The following E2F5 variants were observed in gnomAD, a reference collection of about 807,000 sequenced individuals.
E2F5 encodes the protein transcription factor E2F5.
In E2F5, 23 loss-of-function variants were observed where a neutral mutation model predicts 39.1. The observed-to-expected ratio is 0.59, with a 90% CI of 0.42 to 0.83. E2F5 has a LOEUF of 0.83. E2F5 is among the 40% of genes least tolerant of loss of function. The pLI, the probability that E2F5 is intolerant of heterozygous loss-of-function variation, is 0.00. For missense variants in E2F5, 365 were observed against 406.7 expected, an observed-to-expected ratio of 0.90 and a Z score of 0.88; for synonymous variants, 145 against 157.8, an observed-to-expected ratio of 0.92 and a Z score of 0.61.
chr8:85,189,668 C>A (rs1250719067), intron 1 of E2F5, among the ~76,000 whole-genome samples: 1 of 152,186 alleles, frequency 6.6e-6, no homozygotes, highest in African/African-American at 2.4e-5. Flanking sequence ...TGCACCCAAC[C>A]TCTTTTTCCA....
At chr8:85,191,361 G>A (rs138076474) in intron 1 of E2F5, among the ~76,000 whole-genome samples, 129 of 152,228 alleles carry the variant, frequency 8.5e-4, no homozygotes, top group African/African-American at 3.1e-3. Context: ...AATGCACATC[G>A]TGGTGACTAT....
intron 1 of E2F5, among the ~76,000 whole-genome samples, chr8:85,188,658 G>A (rs1377874937): frequency 6.6e-6 from 1 of 152,170 alleles, no homozygotes. Context: ...CAGAGATTGA[G>A]TTTGCCTTGA....
At chr8:85,207,777 A>T (rs1812829372) in intron 5 of E2F5, among the ~76,000 whole-genome samples, 1 of 152,176 alleles carries the variant, frequency 6.6e-6, no homozygotes, top group African/African-American at 2.4e-5. Context: ...ATGCTTTATC[A>T]AGTGATTTTT....
chr8:85,200,334 A>G, intron 1 of E2F5: 1 of 914,652 alleles, frequency 1.1e-6, no homozygotes, highest in Non-Finnish European at 1.3e-6. Flanking sequence ...AGTCATTTAT[A>G]TGTTTACATA....
intron 1 of E2F5, among the ~76,000 whole-genome samples, chr8:85,189,783 A>G (rs1346133926): frequency 6.6e-6 from 1 of 152,092 alleles, no homozygotes; most frequent in African/African-American, 2.4e-5. Context: ...TTTTTTTCCT[A>G]TTTCATACAA....
intron 1 of E2F5, among the ~76,000 whole-genome samples, chr8:85,185,943 C>T (rs1812324406): frequency 6.6e-6 from 1 of 152,164 alleles, no homozygotes; most frequent in African/African-American, 2.4e-5. Flanking sequence ...TTGTGGAAGA[C>T]AGTGTGGTGA....
At chr8:85,180,394 A>T (rs1812177206) in intron 1 of E2F5, among the ~76,000 whole-genome samples, 1 of 151,570 alleles carries the variant, frequency 6.6e-6, no homozygotes, top group Non-Finnish European at 1.5e-5. Flanking sequence ...CTAATTTGAA[A>T]TTATAAAGAC....
intron 1 of E2F5, among the ~76,000 whole-genome samples, chr8:85,185,768 T>C (rs1812319965): frequency 6.6e-6 from 1 of 152,210 alleles, no homozygotes; most frequent in Non-Finnish European, 1.5e-5. Context: ...ATGCTCATCG[T>C]CACTGGTCAT....
chr8:85,186,961 A>T (rs1423105368), intron 1 of E2F5, among the ~76,000 whole-genome samples: 2 of 17,256 alleles, frequency 1.2e-4, no homozygotes, highest in Non-Finnish European at 2.9e-4. Flanking sequence ...ATCCAAGCAT[A>T]AAAAAAAATC....
At chr8:85,201,313 A>C (rs968942769) in intron 1 of E2F5, among the ~76,000 whole-genome samples, 8 of 152,216 alleles carry the variant, frequency 5.3e-5, no homozygotes, top group African/African-American at 1.9e-4. Flanking sequence ...TAGAGACACA[A>C]ATATTTGTAA....
intron 1 of E2F5, among the ~76,000 whole-genome samples, chr8:85,185,991 C>G (rs1346359216): frequency 6.6e-6 from 1 of 152,116 alleles, no homozygotes; most frequent in Non-Finnish European, 1.5e-5. Flanking sequence ...CCATCTGACC[C>G]AGCAATCCTA....
At chr8:85,182,989 C>T (rs1383639952) in intron 1 of E2F5, among the ~76,000 whole-genome samples, 3 of 152,264 alleles carry the variant, frequency 2.0e-5, no homozygotes, top group East Asian at 3.9e-4. Flanking sequence ...CGGTGGTTCA[C>T]GCCTGTAATC....
intron 7 of E2F5, 34 bp downstream of exon 7, chr8:85,212,238 C>CCTGACGGTA: frequency 6.9e-7 from 1 of 1,441,304 alleles, no homozygotes; most frequent in Non-Finnish European, 9.7e-7. Flanking sequence ...ACTCACTTAT[C>CCTGACGGTA]AGTAATGCTT....
Position 85,214,498 on chromosome 8 carries a change from A to G in E2F5, c.*636A>G. On this transcript the variant is annotated 3_prime_UTR_variant, in exon 8 of 8. Coordinates refer to ENST00000416274, the MANE Select transcript of E2F5 (RefSeq NM_001951.4). ...GTACATTAACAAGATTTTTAAAAAT[A>G]AAATTGTATAAAACATTCAATTTAT... 1 of 1,142,534 alleles carries G rather than the reference A, an allele frequency of 8.8e-7. No individual in the cohort carries two copies. Among genetic ancestry groups the G allele is most frequent in the Non-Finnish European group, 1.3e-6 (1 of 767,822 alleles). The allele number at this position is 1,142,534 out of a possible 1,614,324, so 70.8% of individuals were successfully genotyped here.
intron 1 of E2F5, among the ~76,000 whole-genome samples, chr8:85,198,707 TC>T (rs1812631507): frequency 6.6e-6 from 1 of 152,180 alleles, no homozygotes; most frequent in Non-Finnish European, 1.5e-5. Flanking sequence ...ACCTTAAACT[TC>T]CCCAGAGTTG....
chr8:85,186,856 T>G (rs1304410389), intron 1 of E2F5, among the ~76,000 whole-genome samples: 1 of 148,426 alleles, frequency 6.7e-6, no homozygotes, highest in Non-Finnish European at 1.5e-5. Context: ...ATATATATGG[T>G]GTGTATATAT....
chr8:85,205,390 C>T (rs1341238733), intron 3 of E2F5, among the ~76,000 whole-genome samples: 4 of 152,114 alleles, frequency 2.6e-5, no homozygotes, highest in East Asian at 1.9e-4. Context: ...TGCTCACCAC[C>T]ATGCCCTGCT....
chr8:85,211,643 GTTTTTTTTT>G (rs950695727), intron 6 of E2F5, among the ~76,000 whole-genome samples: 1 of 52,196 alleles, frequency 1.9e-5, no homozygotes, highest in Non-Finnish European at 3.5e-5. Context: ...GTTTGTTGTT[GTTTTTTTTT>G]TTTTTTTTTT....
At chr8:85,198,571 A>G (rs1216170668) in intron 1 of E2F5, among the ~76,000 whole-genome samples, 1 of 152,146 alleles carries the variant, frequency 6.6e-6, no homozygotes, top group Non-Finnish European at 1.5e-5. Flanking sequence ...AGTTCTCACT[A>G]ACTTGCTCTG....
Sources: gnomAD v4.1 joint callset for allele counts (sites outside exome capture counted in the v4.1 genomes callset) on GRCh38, gnomAD v4.1.1 for gene constraint, MANE v1.5 for transcripts, NCBI Gene and HGNC (gene_info 2026-07-23, HGNC 2026-07-21) for gene names.